Variants in TMIGD1 observed in about 807,000 individuals in gnomAD.
TMIGD1 encodes the protein transmembrane and immunoglobulin domain-containing protein 1.
Under a neutral mutation model 27.5 loss-of-function variants are expected in TMIGD1, and 29 were observed. The ratio of observed to expected loss-of-function variants is 1.05; its 90% CI spans 0.78 to 1.44. The LOEUF (loss-of-function observed/expected upper bound fraction) is 1.44, where lower values mean the gene tolerates loss of function less well. Among genes scored for constraint, TMIGD1 ranks in the 40% most tolerant of loss-of-function variants. TMIGD1 has a pLI of 0.00. For missense variants in TMIGD1, 334 were observed against 310.6 expected (o/e 1.08, Z -0.57); for synonymous variants, 109 against 110.3 (o/e 0.99, Z 0.07).
chr17:30,325,667 A>C (rs974127012), intron 3 of TMIGD1, among the ~76,000 whole-genome samples: 1 of 152,176 alleles, frequency 6.6e-6, no homozygotes, highest in African/African-American at 2.4e-5. Context: ...TATTATTATT[A>C]CGGTGGTGGT....
chr17:30,323,092 C>G (rs1567848963), intron 4 of TMIGD1, among the ~76,000 whole-genome samples: 1 of 152,220 alleles, frequency 6.6e-6, no homozygotes, highest in Non-Finnish European at 1.5e-5. Flanking sequence ...ATCGCTTGAG[C>G]CTGGGGGGAT....
At chr17:30,332,912 C>T (rs1290330698) in intron 1 of TMIGD1, among the ~76,000 whole-genome samples, 1 of 152,108 alleles carries the variant, frequency 6.6e-6, no homozygotes, top group Non-Finnish European at 1.5e-5. Context: ...GTGCTAAACA[C>T]TTTACATACA....
At chr17:30,332,383 C>T (rs534613390) in intron 1 of TMIGD1, among the ~76,000 whole-genome samples, 26 of 152,270 alleles carry the variant, frequency 1.7e-4, no homozygotes, top group African/African-American at 6.0e-4. Flanking sequence ...AGGAAATAGG[C>T]TATGACAGAT....
At chr17:30,322,350 C>T (rs947787299) in intron 4 of TMIGD1, among the ~76,000 whole-genome samples, 14 of 152,036 alleles carry the variant, frequency 9.2e-5, no homozygotes, top group African/African-American at 2.9e-4. Flanking sequence ...TACTGGGGAG[C>T]CCCTCTATTT....
chr17:30,317,754 C>G (rs1335438308), intron 5 of TMIGD1, among the ~76,000 whole-genome samples: 1 of 136,668 alleles, frequency 7.3e-6, no homozygotes, highest in African/African-American at 2.7e-5. Context: ...AGCAAGAATC[C>G]ATCTCAAAAA....
chr17:30,318,329 G>A (rs913068197), intron 5 of TMIGD1, among the ~76,000 whole-genome samples: 2 of 152,126 alleles, frequency 1.3e-5, no homozygotes, highest in African/African-American at 2.4e-5. Flanking sequence ...AAGCATGCAC[G>A]TATTCTGAAT....
chr17:30,332,035 A>G lies in TMIGD1; in HGVS notation c.82+17T>C, dbSNP rs1303278547. The G allele has an allele frequency of 4.4e-6, 7 of 1,583,112 alleles. No individual in the cohort carries two copies. Among genetic ancestry groups the G allele is most frequent in the Non-Finnish European group, 6.0e-6 (7 of 1,157,248 alleles). Reference sequence around the variant, plus strand: ...TTTTCTTTATCTAAAAAGAGGCCAAAAAGAACTTTAACTTACTTGTCATCT... The same window carrying G: ...TTTTCTTTATCTAAAAAGAGGCCAAGAAGAACTTTAACTTACTTGTCATCT... On this transcript the variant is annotated intron_variant, in intron 2 of 6. Coordinates refer to ENST00000328886, the MANE Select transcript of TMIGD1 (RefSeq NM_206832.3).
chr17:30,331,845 C>A (rs1167177397), intron 2 of TMIGD1, among the ~76,000 whole-genome samples: 1 of 152,132 alleles, frequency 6.6e-6, no homozygotes, highest in Non-Finnish European at 1.5e-5. Context: ...GCCTCGGCCT[C>A]CCAAAGTGTT....
intron 3 of TMIGD1, among the ~76,000 whole-genome samples, chr17:30,327,410 C>T (rs1315514152): frequency 2.7e-5 from 3 of 112,202 alleles, no homozygotes; most frequent in East Asian, 2.0e-4. Context: ...GAGTGAGACC[C>T]TGTCTCAAAA....
intron 3 of TMIGD1, among the ~76,000 whole-genome samples, chr17:30,327,045 TACACACACACACAC>T (rs60346282): frequency 6.8e-6 from 1 of 146,590 alleles, no homozygotes; most frequent in African/African-American, 2.5e-5. Flanking sequence ...CAATTAACTA[TACACACACACACAC>T]ACACACACAC....
intron 4 of TMIGD1, among the ~76,000 whole-genome samples, chr17:30,322,666 AT>A (rs904011328): frequency 2.7e-4 from 41 of 151,724 alleles, no homozygotes; most frequent in Admixed American, 2.3e-3. Flanking sequence ...TGCCCGGCTA[AT>A]TTTTTTTGTA....
Position 30,329,425 on chromosome 17 carries a change from C to T in TMIGD1, c.187G>A (p.Glu63Lys), listed in dbSNP as rs1325526535. 1 of 1,614,204 alleles carries T rather than the reference C, an allele frequency of 6.2e-7. No individual in the cohort carries two copies. The highest frequency in any genetic ancestry group is 1.7e-5 in the Admixed American group (1 of 60,022). The change falls in exon 3 of 7, where the codon GAA becomes AAA. Residue 63 changes from glutamate to lysine, a missense_variant. Glu to Lys is a moderately conservative substitution (Grantham distance 56). Transcript: ENST00000328886. ...ICAVQNHTRE[E>K]ELLWYREEGR... is the part of the protein sequence containing the mutation. Reference sequence around the variant, plus strand: ...TCCTCTCGGTACCAGAGCAGTTCTTCCTCTCTGGTGTGGTTTTGAACAGCA... The same window carrying T: ...TCCTCTCGGTACCAGAGCAGTTCTTTCTCTCTGGTGTGGTTTTGAACAGCA...
intron 1 of TMIGD1, among the ~76,000 whole-genome samples, chr17:30,332,799 C>T (rs1021799463): frequency 6.6e-6 from 1 of 152,164 alleles, no homozygotes; most frequent in Admixed American, 6.5e-5. Context: ...AGATATTCTC[C>T]ATTTCCATCT....
At chr17:30,319,261 A>AAATATATATATATATATATAT in intron 4 of TMIGD1, among the ~76,000 whole-genome samples, 1 of 69,068 alleles carries the variant, frequency 1.4e-5, no homozygotes, top group Non-Finnish European at 2.6e-5. Flanking sequence ...AAAAAAAAAA[A>AAATATATATATATATATATAT]ATATATATAT....
chr17:30,319,016 A>G, intron 4 of TMIGD1, 103 bp from the exon 5 acceptor site: 1 of 792,138 alleles, frequency 1.3e-6, no homozygotes, highest in Non-Finnish European at 2.2e-6. Context: ...CCCCTTAATT[A>G]AACCTTCTCA....
At chr17:30,321,398 AC>A (rs1909617145) in intron 4 of TMIGD1, among the ~76,000 whole-genome samples, 1 of 152,214 alleles carries the variant, frequency 6.6e-6, no homozygotes, top group Admixed American at 6.5e-5. Context: ...CCATCCAACG[AC>A]GGGAAGGAGC....
At chr17:30,327,043 T>TAC (rs1491291814) in intron 3 of TMIGD1, among the ~76,000 whole-genome samples, 22 of 131,054 alleles carry the variant, frequency 1.7e-4, no homozygotes, top group Admixed American at 1.2e-3. Flanking sequence ...AGCAATTAAC[T>TAC]ATACACACAC....
intron 3 of TMIGD1, among the ~76,000 whole-genome samples, chr17:30,328,728 G>A (rs1357905973): frequency 1.3e-5 from 2 of 152,072 alleles, no homozygotes; most frequent in East Asian, 1.9e-4. Context: ...GGCTGAGGTA[G>A]GCGGTTCACT....
At chr17:30,324,770 G>A (rs761628357) in intron 4 of TMIGD1, 46 bp downstream of exon 4, 108 of 1,576,340 alleles carry the variant, frequency 6.9e-5, no homozygotes, top group Non-Finnish European at 9.3e-5. Context: ...TGAGCATCTG[G>A]TGTGAGTTTT....
Sources: allele counts gnomAD v4.1 joint callset (sites outside exome capture counted in the v4.1 genomes callset), GRCh38; gene constraint gnomAD v4.1.1; transcripts MANE v1.5; gene names NCBI Gene and HGNC (gene_info 2026-07-23, HGNC 2026-07-21).